GPR158: variants seen among roughly 807,000 people sequenced by gnomAD.
GPR158 encodes metabotropic glycine receptor.
Under a neutral mutation model 78.2 loss-of-function variants are expected in GPR158, and 30 were observed. The ratio of observed to expected loss-of-function variants is 0.38; its 90% CI spans 0.29 to 0.52. The LOEUF (loss-of-function observed/expected upper bound fraction) is 0.52. Ranked by LOEUF, GPR158 falls within the 20% of genes least tolerant of loss-of-function variation. The pLI, the probability that GPR158 is intolerant of heterozygous loss-of-function variation, is 0.83. For synonymous variants in GPR158, 581 were observed against 591.1 expected, an observed-to-expected ratio of 0.98 and a Z score of 0.25; for missense variants, 1,463 against 1,523.5, an observed-to-expected ratio of 0.96 and a Z score of 0.66.
chr10:25,373,601 C>A (rs1834035300), intron 2 of GPR158, among the ~76,000 whole-genome samples: 2 of 151,962 alleles, frequency 1.3e-5, no homozygotes, highest in Admixed American at 1.3e-4. Context: ...GTGCACTCAA[C>A]AGCTTTTTAT....
intron 2 of GPR158, among the ~76,000 whole-genome samples, chr10:25,293,749 T>A (rs905188704): frequency 1.8e-4 from 6 of 34,176 alleles, no homozygotes; most frequent in African/African-American, 4.6e-4. Flanking sequence ...CCTGTAATTT[T>A]TTTTTTTTTT....
intron 2 of GPR158, among the ~76,000 whole-genome samples, chr10:25,393,278 A>G (rs920454953): frequency 6.6e-6 from 1 of 152,208 alleles, no homozygotes; most frequent in African/African-American, 2.4e-5. Context: ...GAGTCATATC[A>G]TCATGAAATC....
intron 5 of GPR158, among the ~76,000 whole-genome samples, chr10:25,483,492 C>T (rs1010828409): frequency 1.3e-5 from 2 of 152,126 alleles, no homozygotes; most frequent in Non-Finnish European, 2.9e-5. Flanking sequence ...TCTCATCCTG[C>T]TCTTTTTGCA....
chr10:25,595,024 G>GT (rs5783945), intron 9 of GPR158, among the ~76,000 whole-genome samples: 14,565 of 151,772 alleles, frequency 0.096, 1,710 homozygotes, highest in African/African-American at 0.28. Flanking sequence ...TGATATTGGA[G>GT]TTTTTTTTCT....
intron 8 of GPR158, among the ~76,000 whole-genome samples, chr10:25,590,949 A>G (rs796105232): frequency 3.3e-5 from 5 of 152,264 alleles, no homozygotes; most frequent in African/African-American, 9.6e-5. Context: ...ATATATGTCA[A>G]ACTTTAAACT....
chr10:25,189,795 A>T (rs1852744726), intron 1 of GPR158, among the ~76,000 whole-genome samples: 1 of 151,130 alleles, frequency 6.6e-6, no homozygotes, highest in South Asian at 2.1e-4. Context: ...TTTAAAAAAA[A>T]AACCTTTAAA....
intron 2 of GPR158, among the ~76,000 whole-genome samples, chr10:25,241,181 CTTTCTTTCCTTT>C (rs1178815678): frequency 0.01 from 788 of 75,578 alleles, 7 homozygotes; most frequent in East Asian, 0.058. Context: ...TTCTTTCTTT[CTTTCTTTCCTTT>C]CTTTCTTTCC....
intron 2 of GPR158, among the ~76,000 whole-genome samples, chr10:25,280,070 G>A (rs1466981760): frequency 6.6e-6 from 1 of 151,506 alleles, no homozygotes. Context: ...AAAAAGCATA[G>A]AAAAATCAGG....
intron 3 of GPR158, among the ~76,000 whole-genome samples, chr10:25,397,470 G>A (rs1213300897): frequency 6.6e-6 from 1 of 152,184 alleles, no homozygotes; most frequent in Admixed American, 6.5e-5. Flanking sequence ...TATTATCTGT[G>A]TAGGAATTTG....
At chr10:25,466,208 C>T (rs1835420135) in intron 4 of GPR158, 1 of 153,314 alleles carries the variant, frequency 6.5e-6, no homozygotes, top group African/African-American at 2.4e-5. Flanking sequence ...TAAATCTTGC[C>T]ACCGCACACT....
chr10:25,349,794 T>G (rs949427099), intron 2 of GPR158, among the ~76,000 whole-genome samples: 1 of 146,728 alleles, frequency 6.8e-6, no homozygotes, highest in Admixed American at 6.7e-5. Context: ...ATTCACAAGT[T>G]TCAGGGGTTA....
intron 2 of GPR158, among the ~76,000 whole-genome samples, chr10:25,305,113 C>G (rs1337881357): frequency 6.6e-6 from 1 of 152,158 alleles, no homozygotes; most frequent in East Asian, 1.9e-4. Flanking sequence ...TTGTTTGCCT[C>G]TATGACCCTA....
chr10:25,403,544 G>A (rs1834472343), intron 3 of GPR158, among the ~76,000 whole-genome samples: 1 of 152,004 alleles, frequency 6.6e-6, no homozygotes, highest in Admixed American at 6.6e-5. Context: ...TCATCTTCAA[G>A]GGTTTTTAGA....
At chr10:25,387,736 G>T (rs111986968) in intron 2 of GPR158, among the ~76,000 whole-genome samples, 6 of 152,076 alleles carry the variant, frequency 3.9e-5, no homozygotes, top group Middle Eastern at 3.4e-3. Context: ...GGATGGTCTC[G>T]ATCTCCTGAC....
intron 7 of GPR158, among the ~76,000 whole-genome samples, chr10:25,583,131 G>C (rs376053068): frequency 2.0e-5 from 3 of 152,104 alleles, no homozygotes; most frequent in South Asian, 2.1e-4. Flanking sequence ...CCATCCCGGG[G>C]CTCTGTGCTT....
intron 2 of GPR158, among the ~76,000 whole-genome samples, chr10:25,373,958 T>C (rs1834040397): frequency 6.6e-6 from 1 of 151,730 alleles, no homozygotes; most frequent in Non-Finnish European, 1.5e-5. Flanking sequence ...GATTAGGTTG[T>C]TCAAATCTTC....
intron 2 of GPR158, among the ~76,000 whole-genome samples, chr10:25,350,054 A>G (rs979144379): frequency 6.6e-6 from 1 of 151,912 alleles, no homozygotes; most frequent in African/African-American, 2.4e-5. Context: ...AAGTTAAACT[A>G]TGGAGTGCTA....
intron 2 of GPR158, among the ~76,000 whole-genome samples, chr10:25,347,433 C>T (rs773591241): frequency 3.9e-5 from 6 of 152,128 alleles, no homozygotes; most frequent in Non-Finnish European, 4.4e-5. Context: ...CTGTTTTTTA[C>T]CATGTAAGGC....
chr10:25,268,136 A>T (rs981197777), intron 2 of GPR158, among the ~76,000 whole-genome samples: 1 of 152,158 alleles, frequency 6.6e-6, no homozygotes, highest in African/African-American at 2.4e-5. Flanking sequence ...GGTATTACAT[A>T]TGCCAATTTT....
Sources: allele counts gnomAD v4.1 joint callset (sites outside exome capture counted in the v4.1 genomes callset), GRCh38; gene constraint gnomAD v4.1.1; transcripts MANE v1.5; gene names NCBI Gene and HGNC (gene_info 2026-07-23, HGNC 2026-07-21).